Variants in ARHGAP15 observed in about 807,000 individuals in gnomAD.
The protein encoded by ARHGAP15 is rho GTPase-activating protein 15.
Under a neutral mutation model 63.7 loss-of-function variants are expected in ARHGAP15, and 51 were observed. The observed-to-expected ratio is 0.80, with a 90% CI of 0.64 to 1.01. The LOEUF (loss-of-function observed/expected upper bound fraction) is 1.01, where lower values mean the gene tolerates loss of function less well. Ranked by LOEUF, ARHGAP15 falls within the 50% of genes least tolerant of loss-of-function variation. The pLI is 0.00. For synonymous variants in ARHGAP15, 191 were observed against 193.8 expected, an observed-to-expected ratio of 0.99 and a Z score of 0.12; for missense variants, 560 against 564.6, an observed-to-expected ratio of 0.99 and a Z score of 0.08.
chr2:143,311,430 T>C (rs781591191), intron 6 of ARHGAP15, among the ~76,000 whole-genome samples: 3 of 152,072 alleles, frequency 2.0e-5, no homozygotes, highest in Non-Finnish European at 4.4e-5. Flanking sequence ...GGATGATTCA[T>C]GAGAGGATTA....
intron 9 of ARHGAP15, among the ~76,000 whole-genome samples, chr2:143,503,975 T>A (rs1693189166): frequency 6.6e-6 from 1 of 152,180 alleles, no homozygotes; most frequent in African/African-American, 2.4e-5. Context: ...GGTATTTAGG[T>A]CACAAATTTG....
intron 13 of ARHGAP15, among the ~76,000 whole-genome samples, chr2:143,745,304 C>CGATA (rs1686120331): frequency 6.6e-6 from 1 of 152,226 alleles, no homozygotes; most frequent in Non-Finnish European, 1.5e-5. Context: ...GTGATCATAT[C>CGATA]ACCCTTTTAC....
At chr2:143,425,388 A>G (rs1421215336) in intron 6 of ARHGAP15, among the ~76,000 whole-genome samples, 14 of 151,988 alleles carry the variant, frequency 9.2e-5, no homozygotes, top group Non-Finnish European at 2.1e-4. Context: ...GTACTATATT[A>G]CATATTATAT....
intron 6 of ARHGAP15, among the ~76,000 whole-genome samples, chr2:143,259,311 TTTC>T (rs1320610744): frequency 4.6e-5 from 7 of 152,154 alleles, no homozygotes; most frequent in African/African-American, 1.7e-4. Context: ...CTTCAGGCAT[TTTC>T]TACTACAGTA....
intron 6 of ARHGAP15, among the ~76,000 whole-genome samples, chr2:143,327,301 C>T (rs767674749): frequency 5.9e-5 from 9 of 152,124 alleles, no homozygotes; most frequent in Non-Finnish European, 8.8e-5. Context: ...GAATCAATAT[C>T]GTGAAAATTG....
In ARHGAP15 at chr2:143,509,450, G is replaced by A. The variant is rs569146016; in HGVS notation, c.827-9816G>A. Among the ~76,000 whole-genome samples, 11 of 152,222 alleles carry A rather than the reference G, an allele frequency of 7.2e-5. No individual in the cohort carries two copies. In the South Asian group the frequency reaches 1.9e-3, roughly 26 times the overall value. On this transcript the variant is annotated intron_variant, in intron 9 of 13. Transcript: ENST00000295095. The stretch of plus-strand genomic sequence containing the variant: ...ATCTATGTAACATAAAGCAGCAACC[G>A]ATATTTCTAATCAAAGCCCCAAAGC...
intron 6 of ARHGAP15, among the ~76,000 whole-genome samples, chr2:143,327,477 C>A (rs1393389132): frequency 6.6e-6 from 1 of 152,162 alleles, no homozygotes; most frequent in Non-Finnish European, 1.5e-5. Flanking sequence ...GGAGGCATCA[C>A]ACTACCTGAC....
chr2:143,335,971 G>T (rs1222692784), intron 6 of ARHGAP15, among the ~76,000 whole-genome samples: 2 of 152,064 alleles, frequency 1.3e-5, no homozygotes, highest in East Asian at 1.9e-4. Flanking sequence ...AAATGAAAAT[G>T]ATGATAGTTT....
chr2:143,596,905 A>C (rs1465537583), intron 11 of ARHGAP15, among the ~76,000 whole-genome samples: 2 of 152,126 alleles, frequency 1.3e-5, no homozygotes, highest in Non-Finnish European at 2.9e-5. Context: ...ATCTTCACAA[A>C]AGTAATATTC....
At chr2:143,547,046 C>G (rs1695363727) in intron 10 of ARHGAP15, among the ~76,000 whole-genome samples, 1 of 152,058 alleles carries the variant, frequency 6.6e-6, no homozygotes, top group African/African-American at 2.4e-5. Flanking sequence ...AGGTTCTTTT[C>G]TAGAGAAATT....
At chr2:143,201,958 C>T (rs1312889763) in intron 2 of ARHGAP15, among the ~76,000 whole-genome samples, 176 bp from the exon 3 acceptor site, 1 of 152,086 alleles carries the variant, frequency 6.6e-6, no homozygotes. Flanking sequence ...TGCAGCCAGC[C>T]ATCTTTGAGT....
At chr2:143,314,305 G>A (rs1398237533) in intron 6 of ARHGAP15, 1 of 152,126 alleles carries the variant, frequency 6.6e-6, no homozygotes, top group African/African-American at 2.4e-5. Context: ...AATGCTAGAT[G>A]ACATTTAAAG....
chr2:143,154,445 T>A (rs1347346384), intron 1 of ARHGAP15, among the ~76,000 whole-genome samples: 1 of 151,916 alleles, frequency 6.6e-6, no homozygotes, highest in Non-Finnish European at 1.5e-5. Flanking sequence ...AAAACATGAT[T>A]CTTCTTTTGG....
intron 8 of ARHGAP15, among the ~76,000 whole-genome samples, chr2:143,439,258 A>T (rs1689754771): frequency 6.6e-6 from 1 of 151,692 alleles, no homozygotes; most frequent in Non-Finnish European, 1.5e-5. Context: ...CCCTGTCTCT[A>T]CTAAAAATAC....
chr2:143,269,042 A>G (rs1271691504), intron 6 of ARHGAP15, among the ~76,000 whole-genome samples: 1 of 152,144 alleles, frequency 6.6e-6, no homozygotes, highest in Non-Finnish European at 1.5e-5. Context: ...GATATCTTGA[A>G]GAAAGAGAAA....
intron 6 of ARHGAP15, among the ~76,000 whole-genome samples, chr2:143,293,418 A>G (rs911303507): frequency 1.3e-5 from 2 of 152,140 alleles, no homozygotes; most frequent in Admixed American, 1.3e-4. Flanking sequence ...GAAGTTTGTT[A>G]GCTGGATTTA....
At chr2:143,657,362 A>AACAAT (rs1681509673) in intron 12 of ARHGAP15, among the ~76,000 whole-genome samples, 1 of 152,090 alleles carries the variant, frequency 6.6e-6, no homozygotes, top group Non-Finnish European at 1.5e-5. Context: ...AACAAAACAA[A>AACAAT]ACAAAAACTG....
chr2:143,659,974 A>G (rs1413555238), intron 12 of ARHGAP15, among the ~76,000 whole-genome samples: 1 of 152,206 alleles, frequency 6.6e-6, no homozygotes, highest in Non-Finnish European at 1.5e-5. Context: ...CCATGGGCCA[A>G]CATCCTGAAT....
intron 13 of ARHGAP15, among the ~76,000 whole-genome samples, chr2:143,728,424 GGGTGGGGTTA>G (rs1685382897): frequency 6.6e-6 from 1 of 152,102 alleles, no homozygotes; most frequent in South Asian, 2.1e-4. Flanking sequence ...ATATAAATTG[GGGTGGGGTTA>G]GGTGGGATAA....
Sources: gnomAD v4.1 joint callset for allele counts (sites outside exome capture counted in the v4.1 genomes callset) on GRCh38, gnomAD v4.1.1 for gene constraint, MANE v1.5 for transcripts, NCBI Gene and HGNC (gene_info 2026-07-23, HGNC 2026-07-21) for gene names.